The following RBFOX2 variants were observed in gnomAD, a reference collection of about 807,000 sequenced individuals.
RBFOX2 encodes the protein RNA binding protein fox-1 homolog 2.
A neutral mutation model predicts 49.1 loss-of-function variants in RBFOX2; 10 were observed. The observed-to-expected ratio is 0.20, with a 90% confidence interval of 0.13 to 0.35. The LOEUF is 0.35. Ranked by LOEUF, RBFOX2 falls within the 10% of genes least tolerant of loss-of-function variation. The pLI, the probability that RBFOX2 is intolerant of heterozygous loss-of-function variation, is 1.00. For synonymous variants in RBFOX2, 183 were observed against 187.4 expected (o/e 0.98, Z 0.19); for missense variants, 323 against 486.9 (o/e 0.66, Z 3.17).
intron 2 of RBFOX2, among the ~76,000 whole-genome samples, chr22:35,786,835 C>G (rs1569103531): frequency 1.3e-5 from 2 of 152,162 alleles, no homozygotes; most frequent in Non-Finnish European, 2.9e-5. Flanking sequence ...CAAAACTAGG[C>G]AGCCCAATTT....
At chr22:35,747,008 A>C (rs1932972196) in intron 9 of RBFOX2, 1 of 152,762 alleles carries the variant, frequency 6.5e-6, no homozygotes, top group Non-Finnish European at 1.5e-5. Context: ...TCTTGGATTG[A>C]TTCATTAATA....
intron 1 of RBFOX2, among the ~76,000 whole-genome samples, chr22:36,025,111 A>G (rs753947847): frequency 6.6e-6 from 1 of 152,150 alleles, no homozygotes; most frequent in Non-Finnish European, 1.5e-5. Context: ...CCCGGCTAAG[A>G]TTTTTAAAGT....
At chr22:35,850,885 C>T (rs893529802) in intron 1 of RBFOX2, among the ~76,000 whole-genome samples, 4 of 152,242 alleles carry the variant, frequency 2.6e-5, no homozygotes, top group South Asian at 2.1e-4. Flanking sequence ...ATTGATCCTA[C>T]GAAATCTTCT....
intron 1 of RBFOX2, among the ~76,000 whole-genome samples, chr22:36,014,136 T>G (rs1224067798): frequency 2.0e-5 from 3 of 151,664 alleles, no homozygotes; most frequent in African/African-American, 7.3e-5. Context: ...TTTTTTTTTT[T>G]ATTGAGACAG....
At chr22:35,843,477 C>T (rs974440633), upstream of RBFOX2, among the ~76,000 whole-genome samples, 4 of 152,198 alleles carry the variant, frequency 2.6e-5, no homozygotes, top group Admixed American at 1.3e-4. Flanking sequence ...AGAACCCCAG[C>T]TTCCTTTCCT....
chr22:35,791,494 G>A (rs1182927520), intron 2 of RBFOX2, among the ~76,000 whole-genome samples: 5 of 152,076 alleles, frequency 3.3e-5, no homozygotes, highest in Non-Finnish European at 1.5e-5. Flanking sequence ...AGGCACGAGT[G>A]TAAACAAATA....
intron 1 of RBFOX2, among the ~76,000 whole-genome samples, chr22:35,951,476 C>T (rs2054931032): frequency 2.0e-5 from 3 of 148,546 alleles, no homozygotes; most frequent in Admixed American, 6.7e-5. Context: ...AACTCCCAAC[C>T]ACAGGTGATC....
intron 1 of RBFOX2, among the ~76,000 whole-genome samples, chr22:35,811,960 G>GA (rs778461703): frequency 0.011 from 1,195 of 110,682 alleles, 7 homozygotes; most frequent in African/African-American, 0.024. Flanking sequence ...TCTCTTAAGG[G>GA]AAAAAAAAAA....
chr22:35,798,956 T>G (rs898619346), intron 2 of RBFOX2, among the ~76,000 whole-genome samples: 3 of 152,190 alleles, frequency 2.0e-5, no homozygotes, highest in Non-Finnish European at 4.4e-5. Context: ...TTACCTAAAC[T>G]GATGTATTAA....
At chr22:35,996,768 C>A (rs2058211983) in intron 1 of RBFOX2, 1 of 152,140 alleles carries the variant, frequency 6.6e-6, no homozygotes, top group African/African-American at 2.4e-5. Context: ...AGAGAGGTTG[C>A]TCTATGGTTC....
intron 1 of RBFOX2, among the ~76,000 whole-genome samples, chr22:36,024,659 T>C (rs1432162936): frequency 2.0e-5 from 3 of 151,638 alleles, no homozygotes; most frequent in African/African-American, 7.3e-5. Flanking sequence ...AAGAATTGCT[T>C]GAACCCAGGA....
At chr22:35,953,012 C>T (rs2149861797) in intron 1 of RBFOX2, among the ~76,000 whole-genome samples, 1 of 151,754 alleles carries the variant, frequency 6.6e-6, no homozygotes. Context: ...GAGATTGAGA[C>T]CATCCTGGCT....
At chr22:35,885,209 A>C (rs866407768) in intron 1 of RBFOX2, among the ~76,000 whole-genome samples, 7 of 152,164 alleles carry the variant, frequency 4.6e-5, no homozygotes, top group Admixed American at 6.5e-5. Context: ...GCAACAACTG[A>C]TCTTCCCAAC....
chr22:36,003,704 G>C (rs556261175), intron 1 of RBFOX2, among the ~76,000 whole-genome samples: 1 of 152,230 alleles, frequency 6.6e-6, no homozygotes, highest in Non-Finnish European at 1.5e-5. Flanking sequence ...CTTTAAGAAA[G>C]AGGTGACATC....
intron 9 of RBFOX2, among the ~76,000 whole-genome samples, chr22:35,757,736 T>C (rs1937412498): frequency 6.6e-6 from 1 of 152,194 alleles, no homozygotes; most frequent in South Asian, 2.1e-4. Context: ...TTCATTTTCA[T>C]AGTCTCCAGT....
intron 1 of RBFOX2, among the ~76,000 whole-genome samples, chr22:35,846,827 T>C (rs910255941): frequency 6.6e-6 from 1 of 152,180 alleles, no homozygotes; most frequent in Non-Finnish European, 1.5e-5. Flanking sequence ...ATCCTTAAGC[T>C]GTCCTTGGCT....
intron 4 of RBFOX2, among the ~76,000 whole-genome samples, chr22:35,772,757 C>T (rs1943010109): frequency 6.6e-6 from 1 of 152,148 alleles, no homozygotes; most frequent in African/African-American, 2.4e-5. Flanking sequence ...AGCAATTTCA[C>T]AGCCTGCCTT....
At chr22:35,800,556 C>A (rs1378367333) in intron 2 of RBFOX2, among the ~76,000 whole-genome samples, 1 of 152,154 alleles carries the variant, frequency 6.6e-6, no homozygotes, top group Non-Finnish European at 1.5e-5. Flanking sequence ...GTATTGAGAA[C>A]TGACGTTCTT....
intron 1 of RBFOX2, among the ~76,000 whole-genome samples, chr22:35,880,263 T>G (rs111688075): frequency 6.6e-6 from 1 of 151,348 alleles, no homozygotes; most frequent in Admixed American, 6.6e-5. Flanking sequence ...GAAAGAGGAG[T>G]CCAGGATGAC....
Sources: gnomAD v4.1 joint callset for allele counts (sites outside exome capture counted in the v4.1 genomes callset) on GRCh38, gnomAD v4.1.1 for gene constraint, MANE v1.5 for transcripts, NCBI Gene and HGNC (gene_info 2026-07-23, HGNC 2026-07-21) for gene names.